Variants in ADARB1 observed in about 807,000 individuals in gnomAD.
ADARB1 encodes adenosine deaminase RNA specific B1, also known as double-stranded RNA-specific editase 1.
ADARB1 carries 10 observed loss-of-function variants against 52.4 expected under a neutral mutation model. That is an observed-to-expected ratio of 0.19 (90% CI 0.12 to 0.32). ADARB1 has a LOEUF of 0.32. Among genes scored for constraint, ADARB1 ranks in the 10% least tolerant of loss-of-function variants. The pLI is 1.00. For synonymous variants in ADARB1, 349 were observed against 371.1 expected, an observed-to-expected ratio of 0.94 and a Z score of 0.68; for missense variants, 643 against 922.3, an observed-to-expected ratio of 0.70 and a Z score of 3.92.
rs1249577283 is a variant in ADARB1 at position 45,221,082 on chromosome 21, A to G, written c.1926+68A>G. On this transcript the variant is annotated intron_variant, in intron 10 of 10. Transcript: ENST00000348831. The surrounding 1 kb of genome is among the most constrained non-coding windows in gnomAD (Gnocchi z 4.9). ...CAATAGCTTGTCTGTCCTCACACCTACTGTTCCTTAAGTTGTTTCATCATG... is the reference window on the plus strand; with the variant it reads ...CAATAGCTTGTCTGTCCTCACACCTGCTGTTCCTTAAGTTGTTTCATCATG... 17 of 1,490,462 alleles carry G rather than the reference A, an allele frequency of 1.1e-5. No homozygotes were observed. Among genetic ancestry groups the G allele is most frequent in the African/African-American group, 1.4e-5 (1 of 72,222 alleles). 92.3% of individuals were successfully genotyped at this position (1,490,462 alleles called of 1,614,324 possible).
rs895613567 is a variant in ADARB1 at position 45,164,175 on chromosome 21, G to A, written c.-47-7435G>A. Among the ~76,000 whole-genome samples the A allele has an allele frequency of 5.9e-5, 9 of 152,174 alleles. No homozygotes were observed. In the East Asian group the frequency reaches 7.7e-4, roughly 13 times the overall value. Reference sequence around the variant, plus strand: ...CAGGCACCATCGAGGATGTGTAGGCGTCTCAGGGATGTTACGGCACTCAGA... The same window carrying A: ...CAGGCACCATCGAGGATGTGTAGGCATCTCAGGGATGTTACGGCACTCAGA... On this transcript the variant is annotated intron_variant, in intron 2 of 10. Coordinates refer to ENST00000348831, the MANE Select transcript of ADARB1 (RefSeq NM_001112.4).
intron 9 of ADARB1, among the ~76,000 whole-genome samples, chr21:45,211,439 G>C (rs935395066): frequency 6.6e-6 from 1 of 152,188 alleles, no homozygotes; most frequent in Non-Finnish European, 1.5e-5. Context: ...TTTCAGTCGA[G>C]ATTGTAAGTA....
chr21:45,154,360 A>G (rs756096516), intron 2 of ADARB1, among the ~76,000 whole-genome samples: 6 of 152,204 alleles, frequency 3.9e-5, no homozygotes, highest in Non-Finnish European at 7.3e-5. Flanking sequence ...ATTATCTTTG[A>G]AACTAATAAA....
chr21:45,121,469 C>A (rs1569030642), intron 1 of ADARB1, among the ~76,000 whole-genome samples: 2 of 152,204 alleles, frequency 1.3e-5, no homozygotes, highest in Admixed American at 6.5e-5. Flanking sequence ...GCCTGACTGT[C>A]CCCCTGTGCT....
At chr21:45,216,043 G>C (rs1325932359) in intron 9 of ADARB1, among the ~76,000 whole-genome samples, 1 of 152,072 alleles carries the variant, frequency 6.6e-6, no homozygotes, top group Non-Finnish European at 1.5e-5. Flanking sequence ...TTTTTCTTGA[G>C]TAAGCTTCAG....
At chr21:45,105,092 GTTT>G (rs2087189438) in intron 1 of ADARB1, among the ~76,000 whole-genome samples, 1 of 149,690 alleles carries the variant, frequency 6.7e-6, no homozygotes, top group African/African-American at 2.4e-5. Context: ...GTTTTGTTTT[GTTT>G]TGTTTTGTTT....
chr21:45,079,982 T>C (rs1407018421), intron 1 of ADARB1, among the ~76,000 whole-genome samples: 1 of 152,062 alleles, frequency 6.6e-6, no homozygotes, highest in Non-Finnish European at 1.5e-5. Flanking sequence ...AAAAGGACTC[T>C]GTTTGAAGAA....
At chr21:45,155,251 G>A (rs773554494) in intron 2 of ADARB1, among the ~76,000 whole-genome samples, 9 of 152,118 alleles carry the variant, frequency 5.9e-5, no homozygotes, top group Non-Finnish European at 8.8e-5. Context: ...AGGTCCAAAC[G>A]TAGAGAGGCC....
At chr21:45,131,218 T>C (rs2088911803) in intron 2 of ADARB1, among the ~76,000 whole-genome samples, 1 of 152,008 alleles carries the variant, frequency 6.6e-6, no homozygotes. Context: ...GATCACTGAG[T>C]GGTGTGGGCC....
At chr21:45,127,765 T>G (rs998877425) in intron 1 of ADARB1, among the ~76,000 whole-genome samples, 1 of 152,176 alleles carries the variant, frequency 6.6e-6, no homozygotes, top group Non-Finnish European at 1.5e-5. Flanking sequence ...AGAAACCCAT[T>G]GCAGACTTCC....
At chr21:45,185,549 G>C (rs1196164787) in intron 8 of ADARB1, among the ~76,000 whole-genome samples, 2 of 152,210 alleles carry the variant, frequency 1.3e-5, no homozygotes, top group African/African-American at 4.8e-5. Context: ...TAAGCACAGA[G>C]AGCATCCCCA....
chr21:45,130,864 TGGG>T (rs1188789303), intron 2 of ADARB1, among the ~76,000 whole-genome samples: 1 of 152,174 alleles, frequency 6.6e-6, no homozygotes, highest in African/African-American at 2.4e-5. Context: ...TGGAACATCT[TGGG>T]GGGATACAAT....
chr21:45,099,555 C>T (rs886761645), intron 1 of ADARB1, among the ~76,000 whole-genome samples: 5 of 151,884 alleles, frequency 3.3e-5, no homozygotes, highest in African/African-American at 1.2e-4. Flanking sequence ...GTGATCCCAG[C>T]GAGCAGGAGG....
intron 1 of ADARB1, among the ~76,000 whole-genome samples, chr21:45,124,110 CATAA>C (rs1229126487): frequency 6.6e-6 from 1 of 152,176 alleles, no homozygotes; most frequent in East Asian, 1.9e-4. Context: ...GCATTCCCAT[CATAA>C]ATTCATCTTA....
intron 2 of ADARB1, among the ~76,000 whole-genome samples, chr21:45,155,273 A>C (rs963769019): frequency 1.3e-5 from 2 of 152,110 alleles, no homozygotes; most frequent in Non-Finnish European, 2.9e-5. Context: ...GCTCCCCCTG[A>C]GTACTTCTGG....
intron 8 of ADARB1, among the ~76,000 whole-genome samples, chr21:45,188,623 T>C (rs1414105738): frequency 6.6e-6 from 1 of 152,156 alleles, no homozygotes; most frequent in Non-Finnish European, 1.5e-5. Flanking sequence ...GTTTTTTTTT[T>C]TTAATCCATT....
intron 8 of ADARB1, among the ~76,000 whole-genome samples, chr21:45,186,533 C>G (rs2092113030): frequency 6.6e-6 from 1 of 152,234 alleles, no homozygotes; most frequent in Admixed American, 6.5e-5. Context: ...ACCAATAGTG[C>G]ATTAAGTTAG....
intron 1 of ADARB1, among the ~76,000 whole-genome samples, chr21:45,121,549 G>A (rs1214458693): frequency 1.3e-5 from 2 of 152,118 alleles, no homozygotes; most frequent in Admixed American, 1.3e-4. Context: ...GGGTTAGTTG[G>A]CCGAATCTGT....
chr21:45,201,689 A>C (rs372685368), intron 8 of ADARB1, among the ~76,000 whole-genome samples: 29 of 152,368 alleles, frequency 1.9e-4, no homozygotes, highest in East Asian at 1.7e-3. Context: ...AGGTCAGTAA[A>C]GAAAGCAGAC....
Sources: gnomAD v4.1 joint callset for allele counts (sites outside exome capture counted in the v4.1 genomes callset) on GRCh38, gnomAD v4.1.1 for gene constraint, Gnocchi (gnomAD v3.1) non-coding constraint, MANE v1.5 for transcripts, NCBI Gene and HGNC (gene_info 2026-07-23, HGNC 2026-07-21) for gene names.